Variants in DYNC2I2 observed in about 807,000 individuals in gnomAD.
DYNC2I2 encodes dynein 2 intermediate chain 2, also known as cytoplasmic dynein 2 intermediate chain 2.
A neutral mutation model predicts 52.0 loss-of-function variants in DYNC2I2; 39 were observed. The observed-to-expected ratio is 0.75, with a 90% CI of 0.58 to 0.98. The LOEUF is 0.98. DYNC2I2 is among the 50% of genes least tolerant of loss of function. The pLI, the probability that DYNC2I2 is intolerant of heterozygous loss-of-function variation, is 0.00. For synonymous variants in DYNC2I2, 359 were observed against 321.1 expected (o/e 1.12, Z -1.26); for missense variants, 743 against 728.4 (o/e 1.02, Z -0.23).
chr9:128,636,801 G>A (rs112739526), intron 3 of DYNC2I2, 117 bp downstream of exon 3: 10 of 779,646 alleles, frequency 1.3e-5, no homozygotes, highest in Non-Finnish European at 1.9e-5. Context: ...CTTGAGAAGA[G>A]ACTCCCAGGA....
chr9:128,659,494 C>CAAA (rs1236369943), upstream of DYNC2I2, among the ~76,000 whole-genome samples: 1 of 69,884 alleles, frequency 1.4e-5, no homozygotes, highest in East Asian at 4.4e-4. Context: ...GACTCCGTCT[C>CAAA]AAAAAAAAAA....
At chr9:128,639,653 G>T (rs956274609) in intron 2 of DYNC2I2, among the ~76,000 whole-genome samples, 1 of 151,022 alleles carries the variant, frequency 6.6e-6, no homozygotes, top group Non-Finnish European at 1.5e-5. Context: ...ACCTCATACA[G>T]TTTTTTTTTG....
chr9:128,638,817 T>C (rs948702449), intron 2 of DYNC2I2, among the ~76,000 whole-genome samples: 11 of 152,198 alleles, frequency 7.2e-5, no homozygotes, highest in Non-Finnish European at 1.5e-4. Flanking sequence ...GATGAGTGGC[T>C]AAATGAATGT....
chr9:128,658,665 G>A (rs1367103215), upstream of DYNC2I2, among the ~76,000 whole-genome samples: 1 of 148,910 alleles, frequency 6.7e-6, no homozygotes, highest in Non-Finnish European at 1.5e-5. Flanking sequence ...GTTTCACCGT[G>A]TTGGCCATGC....
In DYNC2I2 at chr9:128,634,227, T is replaced by C. The variant is rs1860306509; in HGVS notation, c.1371A>G (p.Lys457=). 1 of 1,613,568 alleles carries C rather than the reference T, an allele frequency of 6.2e-7. No homozygotes were observed. Among genetic ancestry groups the C allele is most frequent in the Non-Finnish European group, 8.5e-7 (1 of 1,179,988 alleles). Residue 457 remains lysine (K), a splice_region_variant and synonymous_variant, in exon 8 of 9, where the codon AAA becomes AAG. Coordinates refer to ENST00000372715, the MANE Select transcript of DYNC2I2 (RefSeq NM_052844.4). The part of the protein sequence containing the change: ...RPLVFAAASG[K]GDVQLFDLQK... ...CCAGGCCTAGCGGCCCCTTCCTACC[T>C]TTCCCAGAGGCAGCTGCAAAAACCA...
Position 128,635,686 on chromosome 9 carries a change from T to TC in DYNC2I2, c.784dup (p.Asp262GlyfsTer2). On this transcript the variant is annotated frameshift_variant, in exon 5 of 9. Coordinates refer to ENST00000372715, the MANE Select transcript of DYNC2I2 (RefSeq NM_052844.4). LOFTEE classifies it high-confidence loss of function. ...GGACACAGGGTCTGTGTGGGTGTCA[T>TC]CCGTCAGGCCTGTGCGCCACAGCAG... 1 of 1,611,092 alleles carries TC rather than the reference T, an allele frequency of 6.2e-7. No individual in the cohort carries two copies. Among genetic ancestry groups the TC allele is most frequent in the Admixed American group, 1.7e-5 (1 of 59,742 alleles).
upstream of DYNC2I2, among the ~76,000 whole-genome samples, chr9:128,660,038 G>A (rs1257157664): frequency 2.7e-5 from 4 of 148,300 alleles, no homozygotes; most frequent in Non-Finnish European, 5.9e-5. Flanking sequence ...CTGTCTTCCA[G>A]CATGGGTGCC....
At chr9:128,644,843 T>A (rs1189794415) in intron 1 of DYNC2I2, among the ~76,000 whole-genome samples, 2 of 152,214 alleles carry the variant, frequency 1.3e-5, no homozygotes, top group East Asian at 1.9e-4. Context: ...TTCAAATTTA[T>A]TCATTCTTAT....
At chr9:128,634,129 C>A in intron 8 of DYNC2I2, 97 bp downstream of exon 8, 1 of 1,575,012 alleles carries the variant, frequency 6.3e-7, no homozygotes, top group Non-Finnish European at 8.6e-7. Context: ...TCCTTACCCC[C>A]ATGTGTGGTC....
chr9:128,634,553 C>T, intron 7 of DYNC2I2, 136 bp downstream of exon 7: 1 of 1,285,274 alleles, frequency 7.8e-7, no homozygotes. Context: ...GGGCCAACCA[C>T]CAAAGACCTG....
the DYNC2I2 span, among the ~76,000 whole-genome samples, chr9:128,668,252 C>T: frequency 2.6e-3 from 355 of 137,576 alleles, 1 homozygote; most frequent in Non-Finnish European, 4.0e-3. Context: ...AGCCACCACG[C>T]CCGGCCAGTC....
At chr9:128,672,364 TTA>T in the DYNC2I2 span, among the ~76,000 whole-genome samples, 22 of 152,066 alleles carry the variant, frequency 1.4e-4, no homozygotes, top group South Asian at 4.6e-3. Flanking sequence ...TGGCTAATTT[TTA>T]TAGTTTCAGT....
the DYNC2I2 span, chr9:128,683,775 T>A: frequency 3.3e-5 from 26 of 785,228 alleles, no homozygotes; most frequent in East Asian, 3.9e-4. Flanking sequence ...AAATATCCCT[T>A]CCAGGCAGGG....
rs1860502733 is a variant in DYNC2I2 at position 128,640,865 on chromosome 9, C to T, written c.261G>A (p.Val87=). Residue 87 remains valine (V), a synonymous_variant, in exon 2 of 9, where the codon GTG becomes GTA. Coordinates refer to ENST00000372715, the MANE Select transcript of DYNC2I2 (RefSeq NM_052844.4). ...TGACAGGCACGGGGGCCTCCGTCTG[C>T]ACCTGGGCGTCCACATGATTCCTGG... is the stretch of plus-strand genomic sequence containing the variant. ...AQARNHVDAQ[V]QTEAPVPVSV... 6.2e-7 allele frequency: 1 copy of T among 1,613,726 alleles called. No homozygotes were observed. The highest frequency in any genetic ancestry group is 2.2e-5 in the East Asian group (1 of 44,888).
At chr9:128,655,262 G>A (rs570532680) in intron 1 of DYNC2I2, among the ~76,000 whole-genome samples, 1 of 149,412 alleles carries the variant, frequency 6.7e-6, no homozygotes, top group East Asian at 2.0e-4. Flanking sequence ...CACTTTGGGA[G>A]GCCGAGGCGG....
upstream of DYNC2I2, among the ~76,000 whole-genome samples, chr9:128,658,606 C>T (rs1860881191): frequency 6.6e-6 from 1 of 151,836 alleles, no homozygotes; most frequent in Non-Finnish European, 1.5e-5. Context: ...GGATTACAGG[C>T]AACCGCCACC....
chr9:128,635,666 CAG>C lies in DYNC2I2; in HGVS notation c.803_804del (p.Pro268ArgfsTer78), dbSNP rs1564339300. 2 of 1,607,150 alleles carry C rather than the reference CAG, an allele frequency of 1.2e-6. No individual in the cohort carries two copies. Among genetic ancestry groups the C allele is most frequent in the South Asian group, 1.1e-5 (1 of 89,796 alleles). ...GCAGCCCCTGCCCTGACCTGGGACA[CAG>C]GGTCTGTGTGGGTGTCATCCGTCAG... ...TGLTDDTHTD[P>X]VSQVVWLPEP... On this transcript the variant is annotated frameshift_variant, in exon 5 of 9. Transcript: ENST00000372715. LOFTEE classifies it high-confidence loss of function.
At chr9:128,672,300 TCACC>T in the DYNC2I2 span, among the ~76,000 whole-genome samples, 2 of 152,074 alleles carry the variant, frequency 1.3e-5, no homozygotes, top group Non-Finnish European at 2.9e-5. Context: ...AGACAGGGTT[TCACC>T]TTGTTGGCCA....
At chr9:128,677,291 C>T in the DYNC2I2 span, among the ~76,000 whole-genome samples, 1 of 151,776 alleles carries the variant, frequency 6.6e-6, no homozygotes, top group South Asian at 2.1e-4. Context: ...CGAGACTAGC[C>T]TATCCAACAT....
Sources: allele counts gnomAD v4.1 joint callset (sites outside exome capture counted in the v4.1 genomes callset), GRCh38; gene constraint gnomAD v4.1.1; transcripts MANE v1.5; gene names NCBI Gene and HGNC (gene_info 2026-07-23, HGNC 2026-07-21).